The following HMGN3 variants were observed in gnomAD, a reference collection of about 807,000 sequenced individuals.
The protein encoded by HMGN3 is high mobility group nucleosome-binding domain-containing protein 3.
HMGN3 carries 6 observed loss-of-function variants against 18.8 expected under a neutral mutation model. That is an observed-to-expected ratio of 0.32 (90% CI 0.18 to 0.63). The LOEUF is 0.63. Ranked by LOEUF, HMGN3 falls within the 30% of genes least tolerant of loss-of-function variation. HMGN3 has a pLI of 0.79. For missense variants in HMGN3, 107 were observed against 114.2 expected (o/e 0.94, Z 0.29); for synonymous variants, 40 against 36.5 (o/e 1.10, Z -0.35).
At position 79,213,926 on chromosome 6, in the gene HMGN3, T is replaced by C. The variant is rs528573955; in HGVS notation, c.66+1046A>G. 7.2e-5 allele frequency among the ~76,000 whole-genome samples: 11 copies of C among 152,346 alleles called. No homozygotes were observed. The South Asian group carries it at 2.3e-3, about 32-fold the overall frequency. ...AGGGTAACAGCTGCAGTTTTCCACC[T>C]ATTCTAAAGCCCTGTGCAAACGGAA... On this transcript the variant is annotated intron_variant, in intron 2 of 5. Coordinates refer to ENST00000344726, the Ensembl canonical transcript of HMGN3.
intron 1 of HMGN3, among the ~76,000 whole-genome samples, chr6:79,222,888 C>T (rs369955255): frequency 1.3e-5 from 2 of 152,110 alleles, no homozygotes; most frequent in African/African-American, 2.4e-5. Context: ...TAATTAAGAA[C>T]GCTTCTTTAG....
chr6:79,202,432 G>C lies in HMGN3; in HGVS notation c.148-43C>G, dbSNP rs761839301. ...CACAGTGAAAGAGAATGTTAGACAC[G>C]GTGTGATGATGGCTAAAATCAATCA... On this transcript the variant is annotated intron_variant, in intron 4 of 5. Transcript: ENST00000344726. 50 of 1,461,688 alleles carry C rather than the reference G, an allele frequency of 3.4e-5. 1 individual carries two copies. The South Asian group carries it at 5.7e-4, about 17-fold the overall frequency. The allele number at this position is 1,461,688 out of a possible 1,614,324, so 90.5% of individuals were successfully genotyped here. A position where few individuals can be genotyped will look rare whatever the true frequency, so the allele number is the denominator to read the frequency against.
chr6:79,234,374 G>A (rs962339676), intron 1 of HMGN3, 172 bp downstream of exon 1: 6 of 512,630 alleles, frequency 1.2e-5, no homozygotes, highest in East Asian at 1.2e-4. Flanking sequence ...AGTGGGTAGG[G>A]GGGACAGAGA....
At chr6:79,217,580 T>C (rs933742350) in intron 1 of HMGN3, among the ~76,000 whole-genome samples, 1 of 152,218 alleles carries the variant, frequency 6.6e-6, no homozygotes, top group African/African-American at 2.4e-5. Context: ...AACAGAGCCT[T>C]AAAGTTGAGC....
chr6:79,202,445 C>T, intron 4 of HMGN3, 56 bp from the exon 5 acceptor site: 1 of 1,356,804 alleles, frequency 7.4e-7, no homozygotes, highest in Non-Finnish European at 1.1e-6. Context: ...GTGATGATGG[C>T]TAAAATCAAT....
intron 1 of HMGN3, among the ~76,000 whole-genome samples, chr6:79,219,921 A>G (rs1019770977): frequency 1.3e-5 from 2 of 152,198 alleles, no homozygotes; most frequent in South Asian, 2.1e-4. Context: ...GTTGCTCCAA[A>G]CATTTATAAT....
chr6:79,229,833 G>A (rs1406634059), intron 1 of HMGN3, among the ~76,000 whole-genome samples: 3 of 151,968 alleles, frequency 2.0e-5, no homozygotes, highest in Non-Finnish European at 4.4e-5. Flanking sequence ...AGCTGAGATC[G>A]CGCTACTGCC....
At chr6:79,214,936 A>G (rs768055685) in intron 2 of HMGN3, 36 bp downstream of exon 2, 53 of 1,117,356 alleles carry the variant, frequency 4.7e-5, no homozygotes, top group Non-Finnish European at 6.9e-5. Context: ...ATTTCAATGT[A>G]AATAATTAAA....
At chr6:79,202,551 G>A (rs773243467) in intron 4 of HMGN3, among the ~76,000 whole-genome samples, 162 bp from the exon 5 acceptor site, 7 of 152,200 alleles carry the variant, frequency 4.6e-5, no homozygotes, top group African/African-American at 7.2e-5. Context: ...TTTCAACTGA[G>A]TTACACTGCA....
intron 1 of HMGN3, among the ~76,000 whole-genome samples, chr6:79,233,212 T>G (rs9294133): frequency 0.84 from 127,681 of 152,214 alleles, 54,449 homozygotes; most frequent in East Asian, 1. Context: ...CTCAAGCTGT[T>G]TTCAGGATTA....
chr6:79,227,067 T>A (rs1473017964), intron 1 of HMGN3, among the ~76,000 whole-genome samples: 1 of 152,190 alleles, frequency 6.6e-6, no homozygotes, highest in Non-Finnish European at 1.5e-5. Context: ...CTCTAGGTAC[T>A]ATGAAGGCAG....
At chr6:79,203,310 C>T (rs1776242821) in intron 4 of HMGN3, among the ~76,000 whole-genome samples, 1 of 152,164 alleles carries the variant, frequency 6.6e-6, no homozygotes, top group African/African-American at 2.4e-5. Context: ...CCGCATGAAC[C>T]GCATGTTCAC....
intron 1 of HMGN3, among the ~76,000 whole-genome samples, chr6:79,219,482 T>C (rs1465486274): frequency 1.3e-5 from 2 of 151,934 alleles, no homozygotes; most frequent in South Asian, 4.2e-4. Flanking sequence ...AAAACAAATC[T>C]AGAAGGAAGG....
intron 1 of HMGN3, chr6:79,233,862 T>C (rs529288497): frequency 9.8e-5 from 15 of 152,442 alleles, no homozygotes; most frequent in East Asian, 3.9e-4. Context: ...ACGAGCCATA[T>C]TGGACGCCCC....
At chr6:79,220,593 CGT>C (rs1582430825) in intron 1 of HMGN3, among the ~76,000 whole-genome samples, 1 of 152,038 alleles carries the variant, frequency 6.6e-6, no homozygotes, top group East Asian at 1.9e-4. Flanking sequence ...ATTACAGGTG[CGT>C]GCCACCACAC....
intron 1 of HMGN3, among the ~76,000 whole-genome samples, chr6:79,230,129 T>C (rs1462474052): frequency 2.0e-5 from 3 of 152,208 alleles, no homozygotes; most frequent in Admixed American, 2.0e-4. Flanking sequence ...TACTGATATA[T>C]GCTACAACAC....
At chr6:79,229,834 C>T (rs180937314) in intron 1 of HMGN3, among the ~76,000 whole-genome samples, 6 of 152,076 alleles carry the variant, frequency 3.9e-5, no homozygotes, top group African/African-American at 1.2e-4. Context: ...GCTGAGATCG[C>T]GCTACTGCCC....
At chr6:79,221,314 G>A (rs9361502) in intron 1 of HMGN3, among the ~76,000 whole-genome samples, 128,894 of 152,198 alleles carry the variant, frequency 0.85, 55,384 homozygotes, top group East Asian at 1. Context: ...TGTGGGAGTC[G>A]AGATGGGCAG....
intron 1 of HMGN3, among the ~76,000 whole-genome samples, chr6:79,229,870 T>G (rs991232144): frequency 4.0e-5 from 6 of 151,186 alleles, no homozygotes; most frequent in Non-Finnish European, 8.8e-5. Flanking sequence ...TGAGCCAGAC[T>G]CCGCCTCCAA....
Sources: allele counts gnomAD v4.1 joint callset (sites outside exome capture counted in the v4.1 genomes callset), GRCh38; gene constraint gnomAD v4.1.1; transcripts MANE v1.5; gene names NCBI Gene and HGNC (gene_info 2026-07-23, HGNC 2026-07-21).